NRG1: variants seen among roughly 807,000 people sequenced by gnomAD.
NRG1 encodes neuregulin 1, also known as pro-neuregulin-1, membrane-bound isoform.
A neutral mutation model predicts 63.8 loss-of-function variants in NRG1; 18 were observed. The observed-to-expected ratio is 0.28, with a 90% CI of 0.19 to 0.42. The LOEUF is 0.42. NRG1 is among the 10% of genes least tolerant of loss of function. The pLI is 1.00. For missense variants in NRG1, 762 were observed against 814.7 expected (o/e 0.94, Z 0.79); for synonymous variants, 302 against 301.3 (o/e 1.00, Z -0.02).
intron 1 of NRG1, among the ~76,000 whole-genome samples, chr8:31,847,834 T>C (rs541407165): frequency 2.6e-5 from 4 of 152,372 alleles, no homozygotes; most frequent in African/African-American, 4.8e-5. Flanking sequence ...GCCTTTAACA[T>C]TGTTGTATCA....
At chr8:32,757,455 T>C (rs188300987) in intron 9 of NRG1, among the ~76,000 whole-genome samples, 2 of 152,182 alleles carry the variant, frequency 1.3e-5, no homozygotes, top group African/African-American at 4.8e-5. Flanking sequence ...ATGGAACAGA[T>C]ATATCATAGA....
Position 32,211,431 on chromosome 8 carries a change from T to C in NRG1, c.38-384397T>C, listed in dbSNP as rs1844694353. Among the ~76,000 whole-genome samples, 4 of 152,302 alleles carry C rather than the reference T, an allele frequency of 2.6e-5. No homozygotes were observed. In the South Asian group the frequency reaches 8.3e-4, roughly 32 times the overall value. ...GTGACATGTGTTGGAATCTCAAAAG[T>C]GGAATTGCTGAGCCAGGGGCATCCT... On this transcript the variant is annotated intron_variant, in intron 1 of 10. Coordinates refer to the NRG1 transcript ENST00000519301.
chr8:32,192,931 A>G (rs2132220782), intron 1 of NRG1, among the ~76,000 whole-genome samples: 1 of 152,178 alleles, frequency 6.6e-6, no homozygotes, highest in Non-Finnish European at 1.5e-5. Flanking sequence ...CTGACTTCCA[A>G]CATAGTACAT....
At chr8:31,639,413 G>C (rs1340785096) in exon 1 of NRG1, 1 of 1,534,800 alleles carries the variant, frequency 6.5e-7, no homozygotes, top group Admixed American at 2.0e-5. Flanking sequence ...AGGACGCGCG[G>C]GCCGAGTTGG....
intron 1 of NRG1, among the ~76,000 whole-genome samples, chr8:32,040,750 C>CATATATATGTATATAT (rs1819870329): frequency 2.1e-5 from 1 of 48,684 alleles, no homozygotes; most frequent in Non-Finnish European, 4.2e-5. Context: ...AATTTAGGCG[C>CATATATATGTATATAT]ATATATATAT....
intron 5 of NRG1, among the ~76,000 whole-genome samples, chr8:32,699,202 T>C (rs1419433373): frequency 2.0e-5 from 3 of 152,216 alleles, no homozygotes; most frequent in Non-Finnish European, 4.4e-5. Context: ...AGTTTGATAG[T>C]ACATATAAGT....
At chr8:32,105,310 A>C (rs1344291789) in intron 1 of NRG1, among the ~76,000 whole-genome samples, 1 of 152,210 alleles carries the variant, frequency 6.6e-6, no homozygotes, top group East Asian at 1.9e-4. Context: ...CAAAAGAAAG[A>C]GGCTTAATGG....
chr8:32,218,166 G>A (rs1845442037), intron 1 of NRG1, among the ~76,000 whole-genome samples: 1 of 152,070 alleles, frequency 6.6e-6, no homozygotes, highest in South Asian at 2.1e-4. Flanking sequence ...TTTAAGTTTG[G>A]CCTAACTCTG....
At position 32,559,888 on chromosome 8, in the gene NRG1, G is replaced by A. The variant is rs559958727; in HGVS notation, c.100+11062G>A. Among the ~76,000 whole-genome samples, 6 of 151,986 alleles carry A rather than the reference G, an allele frequency of 3.9e-5. No homozygotes were observed. In the East Asian group the frequency reaches 1.2e-3, roughly 29 times the overall value. On this transcript the variant is annotated intron_variant, in intron 1 of 11. Transcript: ENST00000356819. ...AGAAAAACCATTAGCCAGGCATGGT[G>A]GGATGCACCTGTAGTCCCATCTACT...
intron 1 of NRG1, among the ~76,000 whole-genome samples, chr8:31,771,909 G>T (rs1003382709): frequency 6.6e-6 from 1 of 152,150 alleles, no homozygotes; most frequent in Non-Finnish European, 1.5e-5. Flanking sequence ...TGTGAATGTT[G>T]TACTGATTCA....
At chr8:32,218,822 AC>A (rs1845515694) in intron 1 of NRG1, among the ~76,000 whole-genome samples, 1 of 152,196 alleles carries the variant, frequency 6.6e-6, no homozygotes, top group Non-Finnish European at 1.5e-5. Context: ...TTCTTTGGCT[AC>A]TGAGTTAGTA....
intron 1 of NRG1, among the ~76,000 whole-genome samples, chr8:32,472,214 A>C (rs1188181077): frequency 1.3e-5 from 2 of 152,256 alleles, no homozygotes; most frequent in African/African-American, 4.8e-5. Context: ...TCTGTCGCCC[A>C]GGCTAGAGTG....
At chr8:32,072,565 C>A (rs1825910309) in intron 1 of NRG1, among the ~76,000 whole-genome samples, 1 of 151,892 alleles carries the variant, frequency 6.6e-6, no homozygotes, top group South Asian at 2.1e-4. Flanking sequence ...TTGTTTTTTA[C>A]AAAGGATTAG....
At chr8:31,745,931 C>G (rs895946979) in intron 1 of NRG1, among the ~76,000 whole-genome samples, 1 of 151,882 alleles carries the variant, frequency 6.6e-6, no homozygotes, top group African/African-American at 2.4e-5. Flanking sequence ...CAAGTAATCA[C>G]GAGATTACCA....
chr8:32,227,804 A>G (rs1188516443), intron 1 of NRG1, among the ~76,000 whole-genome samples: 3 of 152,296 alleles, frequency 2.0e-5, no homozygotes, highest in East Asian at 3.9e-4. Flanking sequence ...CCACCACAGC[A>G]TTCCTGATCA....
At chr8:32,555,626 C>A (rs577113027) in intron 1 of NRG1, among the ~76,000 whole-genome samples, 8 of 149,642 alleles carry the variant, frequency 5.3e-5, no homozygotes, top group Admixed American at 1.3e-4. Context: ...CGCCCACCAC[C>A]ACGCCCGGCT....
chr8:31,825,686 A>G (rs1261265221), intron 1 of NRG1, among the ~76,000 whole-genome samples: 1 of 152,110 alleles, frequency 6.6e-6, no homozygotes, highest in Non-Finnish European at 1.5e-5. Context: ...AGGAGAGAGA[A>G]AGAACAAAGC....
At chr8:31,677,907 C>T (rs1171838490) in intron 1 of NRG1, among the ~76,000 whole-genome samples, 4 of 151,930 alleles carry the variant, frequency 2.6e-5, no homozygotes, top group Non-Finnish European at 4.4e-5. Context: ...TTCAAATATT[C>T]TCTTTGGTAA....
chr8:31,982,831 A>G (rs940945764), intron 1 of NRG1, among the ~76,000 whole-genome samples: 1 of 152,142 alleles, frequency 6.6e-6, no homozygotes, highest in African/African-American at 2.4e-5. Context: ...GCTATTGGGC[A>G]TAGGCACCTA....
Sources: allele counts gnomAD v4.1 joint callset (sites outside exome capture counted in the v4.1 genomes callset), GRCh38; gene constraint gnomAD v4.1.1; transcripts MANE v1.5; gene names NCBI Gene and HGNC (gene_info 2026-07-23, HGNC 2026-07-21).